The following ADAMTSL1 variants were observed in gnomAD, a reference collection of about 807,000 sequenced individuals.
The protein encoded by ADAMTSL1 is ADAMTS like 1.
In ADAMTSL1, 126 loss-of-function variants were observed where a neutral mutation model predicts 201.8. The observed-to-expected ratio is 0.62, with a 90% CI of 0.54 to 0.72. The LOEUF (loss-of-function observed/expected upper bound fraction) is 0.72, where lower values mean the gene tolerates loss of function less well. ADAMTSL1 is among the 30% of genes least tolerant of loss of function. The pLI is 0.00. For synonymous variants in ADAMTSL1, 1,121 were observed against 903.4 expected (o/e 1.24, Z -4.32); for missense variants, 2,679 against 2,277.8 (o/e 1.18, Z -3.59).
rs556687448 is a variant in ADAMTSL1, at chr9:18,155,383, A to G, written c.88-8479A>G. Among the ~76,000 whole-genome samples, 12 of 152,124 alleles carry G rather than the reference A, an allele frequency of 7.9e-5. No homozygotes were observed. The South Asian group carries it at 2.3e-3, about 29-fold the overall frequency. On this transcript the variant is annotated intron_variant, in intron 1 of 29. Transcript: ENST00000680146. Reference sequence around the variant, plus strand: ...AGTGAACTTGGAGCCAGTCTGGGTGATGATGATGGAGATAAAGTCAGAGCT... The same window carrying G: ...AGTGAACTTGGAGCCAGTCTGGGTGGTGATGATGGAGATAAAGTCAGAGCT...
chr9:18,032,888 TG>T (rs201431186), intron 1 of ADAMTSL1, among the ~76,000 whole-genome samples: 2 of 115,266 alleles, frequency 1.7e-5, no homozygotes, highest in African/African-American at 6.2e-5. Flanking sequence ...TCAGTGACTC[TG>T]TGTGGGGCTT....
intron 3 of ADAMTSL1, among the ~76,000 whole-genome samples, chr9:18,546,668 C>T (rs1440799585): frequency 1.3e-5 from 2 of 151,994 alleles, no homozygotes; most frequent in Non-Finnish European, 2.9e-5. Flanking sequence ...GATTTATTTA[C>T]TTTGAATTGT....
chr9:18,822,722 C>T (rs904992875), intron 21 of ADAMTSL1, among the ~76,000 whole-genome samples: 1 of 152,164 alleles, frequency 6.6e-6, no homozygotes, highest in South Asian at 2.1e-4. Context: ...GTACCTGCTT[C>T]ACAGGATCAT....
rs1825716364 is a variant in ADAMTSL1 at position 18,841,549 on chromosome 9, C to T, written c.4249+11572C>T. Among the ~76,000 whole-genome samples the T allele has an allele frequency of 1.3e-5, 2 of 152,170 alleles. 1 individual carries two copies. Among genetic ancestry groups the T allele is most frequent in the South Asian group, 4.1e-4 (2 of 4,826 alleles). On this transcript the variant is annotated intron_variant, in intron 23 of 28. Coordinates refer to ENST00000380548, the MANE Select transcript of ADAMTSL1 (RefSeq NM_001040272.6). ...TTTGGTATCAGGATGATGCTGGCCTCATAAAATGAGTTAGGGAGGATTTCC... is the reference window on the plus strand; with the variant it reads ...TTTGGTATCAGGATGATGCTGGCCTTATAAAATGAGTTAGGGAGGATTTCC...
chr9:18,651,740 G>C (rs1828275054), intron 7 of ADAMTSL1, among the ~76,000 whole-genome samples: 2 of 152,116 alleles, frequency 1.3e-5, no homozygotes, highest in South Asian at 2.1e-4. Context: ...GCATCAGTTA[G>C]AGTATTAGGC....
chr9:18,327,331 A>G (rs1321872181), intron 2 of ADAMTSL1, among the ~76,000 whole-genome samples: 2 of 152,236 alleles, frequency 1.3e-5, no homozygotes, highest in African/African-American at 4.8e-5. Context: ...ATTCCAAAGG[A>G]ATGAACTGAG....
intron 15 of ADAMTSL1, among the ~76,000 whole-genome samples, chr9:18,749,646 C>A (rs745633524): frequency 3.3e-5 from 5 of 152,176 alleles, no homozygotes; most frequent in African/African-American, 4.8e-5. Context: ...ACAGAACGCA[C>A]GGAATAGGGC....
chr9:18,316,352 G>T (rs1834393748), intron 2 of ADAMTSL1, among the ~76,000 whole-genome samples: 1 of 152,082 alleles, frequency 6.6e-6, no homozygotes, highest in African/African-American at 2.4e-5. Flanking sequence ...TTCCTAATAA[G>T]CCTGGGAGCG....
chr9:18,502,735 C>T (rs951236338), intron 1 of ADAMTSL1, among the ~76,000 whole-genome samples: 2 of 152,066 alleles, frequency 1.3e-5, no homozygotes, highest in African/African-American at 2.4e-5. Flanking sequence ...GATTACATCA[C>T]CAGGCAGATG....
intron 1 of ADAMTSL1, among the ~76,000 whole-genome samples, chr9:18,479,668 T>C (rs1821625860): frequency 6.6e-6 from 1 of 152,196 alleles, no homozygotes; most frequent in African/African-American, 2.4e-5. Context: ...TTACACTTCT[T>C]TCTGTCCCAC....
chr9:18,735,120 C>T (rs1442002950), intron 15 of ADAMTSL1, among the ~76,000 whole-genome samples: 1 of 152,202 alleles, frequency 6.6e-6, no homozygotes, highest in East Asian at 1.9e-4. Flanking sequence ...CATGCTGCCT[C>T]AGACACCTCT....
chr9:18,698,036 T>C (rs1033121374), intron 13 of ADAMTSL1, among the ~76,000 whole-genome samples: 1 of 152,232 alleles, frequency 6.6e-6, no homozygotes, highest in African/African-American at 2.4e-5. Context: ...CTGATAATGT[T>C]CTTGTTCAGA....
chr9:17,987,877 C>G (rs192413967), intron 1 of ADAMTSL1, among the ~76,000 whole-genome samples: 2 of 152,172 alleles, frequency 1.3e-5, no homozygotes, highest in African/African-American at 2.4e-5. Flanking sequence ...CCTTTAATCT[C>G]TCTGTGATAA....
intron 1 of ADAMTSL1, among the ~76,000 whole-genome samples, chr9:17,988,263 T>G (rs1819006080): frequency 6.6e-6 from 1 of 152,076 alleles, no homozygotes; most frequent in Non-Finnish European, 1.5e-5. Context: ...TGTTCAAGCC[T>G]GTTAGAGGTA....
At chr9:18,882,487 C>A (rs190441679) in intron 23 of ADAMTSL1, among the ~76,000 whole-genome samples, 1 of 152,130 alleles carries the variant, frequency 6.6e-6, no homozygotes, top group Non-Finnish European at 1.5e-5. Context: ...GAAAATGGAA[C>A]GAGCATTTTA....
intron 1 of ADAMTSL1, among the ~76,000 whole-genome samples, chr9:18,495,454 G>A (rs1296244173): frequency 6.6e-6 from 1 of 152,080 alleles, no homozygotes; most frequent in Non-Finnish European, 1.5e-5. Context: ...TACCTTACAT[G>A]GTTTCCTAGC....
At chr9:17,982,896 A>G (rs1323544914) in intron 1 of ADAMTSL1, among the ~76,000 whole-genome samples, 2 of 151,916 alleles carry the variant, frequency 1.3e-5, no homozygotes, top group Non-Finnish European at 2.9e-5. Flanking sequence ...ATTTTCTTAG[A>G]GCAGAGGTTC....
At chr9:18,385,445 T>C (rs1837754077) in intron 2 of ADAMTSL1, among the ~76,000 whole-genome samples, 1 of 152,230 alleles carries the variant, frequency 6.6e-6, no homozygotes, top group Non-Finnish European at 1.5e-5. Flanking sequence ...AAAAGATTTC[T>C]CTTACTTTCA....
chr9:18,352,689 T>G (rs1035785420), intron 2 of ADAMTSL1, among the ~76,000 whole-genome samples: 1 of 152,238 alleles, frequency 6.6e-6, no homozygotes, highest in African/African-American at 2.4e-5. Context: ...CCATTTTGAT[T>G]TATTCCCTAC....
Sources: allele counts gnomAD v4.1 joint callset (sites outside exome capture counted in the v4.1 genomes callset), GRCh38; gene constraint gnomAD v4.1.1; transcripts MANE v1.5; gene names NCBI Gene and HGNC (gene_info 2026-07-23, HGNC 2026-07-21).